Variants in METTL9 observed in about 807,000 individuals in gnomAD.
METTL9 encodes the protein protein-L-histidine N-pros-methyltransferase.
Under a neutral mutation model 36.0 loss-of-function variants are expected in METTL9, and 10 were observed. The ratio of observed to expected loss-of-function variants is 0.28; its 90% CI spans 0.17 to 0.47. The LOEUF (loss-of-function observed/expected upper bound fraction) is 0.47. METTL9 is among the 20% of genes least tolerant of loss of function. The pLI, the probability that METTL9 is intolerant of heterozygous loss-of-function variation, is 0.99. For synonymous variants in METTL9, 175 were observed against 149.7 expected (o/e 1.17, Z -1.23); for missense variants, 246 against 383.5 (o/e 0.64, Z 3.00).
chr16:21,629,722 T>C (rs143998368), intron 4 of METTL9, among the ~76,000 whole-genome samples: 3,651 of 152,274 alleles, frequency 0.024, 63 homozygotes, highest in Non-Finnish European at 0.036. Context: ...TTCCTCAGCA[T>C]GGATGGGGAC....
intron 4 of METTL9, chr16:21,643,641 T>G: frequency 7.5e-7 from 1 of 1,335,784 alleles, no homozygotes; most frequent in African/African-American, 1.5e-5. Context: ...TTTTATGTAC[T>G]CATAACAATG....
At chr16:21,617,798 TGTGTGTGTATG>T in intron 2 of METTL9, 56 bp from the exon 3 acceptor site, 1 of 1,312,202 alleles carries the variant, frequency 7.6e-7, no homozygotes, top group Non-Finnish European at 1.1e-6. Context: ...ATATTCACTT[TGTGTGTGTATG>T]TGAGGGGTGC....
At chr16:21,624,783 C>G (rs1287812192) in intron 3 of METTL9, 148 bp from the exon 4 acceptor site, 1 of 723,998 alleles carries the variant, frequency 1.4e-6, no homozygotes, top group Non-Finnish European at 2.2e-6. Context: ...CTTCCTTGGC[C>G]ATGTCATTAT....
At chr16:21,638,205 C>T (rs948515806) in intron 4 of METTL9, among the ~76,000 whole-genome samples, 6 of 152,166 alleles carry the variant, frequency 3.9e-5, no homozygotes, top group Non-Finnish European at 7.3e-5. Flanking sequence ...ATAATCCCAG[C>T]TACTCAGGAG....
chr16:21,599,894 A>G lies in METTL9; in HGVS notation c.161A>G (p.His54Arg). 6.9e-7 allele frequency: 1 copy of G among 1,449,090 alleles called. No homozygotes were observed. The highest frequency in any genetic ancestry group is 9.1e-7 in the Non-Finnish European group (1 of 1,102,290). The allele number at this position is 1,449,090 out of a possible 1,614,324, so 89.8% of individuals were successfully genotyped here. A position where few individuals can be genotyped will look rare whatever the true frequency, so the allele number is the denominator to read the frequency against. ...GCCGCGGGCGGCAGGAAGGAGAACC[A>G]CCAGGTACGGGCTGGGGCCGGGGCC... ...AAAAGGRKEN[H>R]QWYVCNREKL... is the part of the protein sequence containing the mutation. The change falls in exon 1 of 5, where the codon CAC (histidine) becomes CGC (arginine). Residue 54 changes from histidine (H) to arginine (R), a missense_variant. Physicochemically the swap from His to Arg is conservative, Grantham distance 29. This residue lies in a region of METTL9 where 100 missense variants were observed against 81.4 expected (regional missense o/e 1.23). Transcript: ENST00000358154. The surrounding 1 kb of genome is among the most constrained non-coding windows in gnomAD (Gnocchi z 4.4).
At chr16:21,631,374 ATTATTCTTTGCTATTAATAAGAC>A (rs1965956706) in intron 4 of METTL9, among the ~76,000 whole-genome samples, 1 of 152,188 alleles carries the variant, frequency 6.6e-6, no homozygotes, top group South Asian at 2.1e-4. Context: ...TGGGATTTCA[ATTATTCTTTGCTATTAATAAGAC>A]CTCGTTTAGT....
chr16:21,629,445 T>C (rs913839552), intron 4 of METTL9, among the ~76,000 whole-genome samples: 1 of 152,122 alleles, frequency 6.6e-6, no homozygotes, highest in Non-Finnish European at 1.5e-5. Context: ...CCAGAACTCA[T>C]AAATTTCTAT....
chr16:21,639,862 T>G (rs1450862749), intron 4 of METTL9: 1 of 152,186 alleles, frequency 6.6e-6, no homozygotes, highest in Non-Finnish European at 1.5e-5. Context: ...TTAAAATATT[T>G]AACAATTCTA....
At chr16:21,641,363 G>T in intron 4 of METTL9, 4 of 416,964 alleles carry the variant, frequency 9.6e-6, no homozygotes, top group Non-Finnish European at 1.3e-5. Context: ...TTAGTATTTT[G>T]GTAATGACTA....
intron 4 of METTL9, chr16:21,654,609 C>T (rs1411027027): frequency 6.5e-6 from 1 of 152,964 alleles, no homozygotes; most frequent in East Asian, 1.9e-4. Context: ...TTCCATCTCT[C>T]TCTGGTCCTG....
intron 1 of METTL9, among the ~76,000 whole-genome samples, chr16:21,603,391 G>A (rs183133530): frequency 2.0e-5 from 3 of 152,218 alleles, no homozygotes; most frequent in African/African-American, 4.8e-5. Context: ...TTCCCACATC[G>A]GCTTCCCAAA....
intron 4 of METTL9, among the ~76,000 whole-genome samples, chr16:21,651,517 G>A (rs1966576017): frequency 6.6e-6 from 1 of 151,852 alleles, no homozygotes; most frequent in African/African-American, 2.4e-5. Context: ...GTTCATGCTG[G>A]TCTTGAACTC....
intron 4 of METTL9, among the ~76,000 whole-genome samples, chr16:21,638,138 T>C (rs1164169992): frequency 1.3e-5 from 2 of 151,890 alleles, no homozygotes; most frequent in African/African-American, 4.8e-5. Flanking sequence ...GCCAACAGAG[T>C]GAAACCCCAT....
chr16:21,650,549 A>G (rs1488638160), intron 4 of METTL9, among the ~76,000 whole-genome samples: 1 of 149,568 alleles, frequency 6.7e-6, no homozygotes, highest in Non-Finnish European at 1.5e-5. Flanking sequence ...GGTGGCGGGG[A>G]TAGCTGACTT....
At chr16:21,632,374 C>G (rs140458644) in intron 4 of METTL9, among the ~76,000 whole-genome samples, 1 of 152,334 alleles carries the variant, frequency 6.6e-6, no homozygotes, top group East Asian at 1.9e-4. Flanking sequence ...CTTTCAAGTA[C>G]GGTTACATCA....
intron 4 of METTL9, chr16:21,653,926 C>T (rs1966641356): frequency 6.6e-6 from 1 of 151,924 alleles, no homozygotes; most frequent in Admixed American, 6.6e-5. Flanking sequence ...GCGTCATCTG[C>T]ACCACTGAAA....
upstream of METTL9, chr16:21,597,216 T>C (rs77927558): frequency 1.8e-4 from 226 of 1,264,870 alleles, 1 homozygote; most frequent in African/African-American, 3.1e-3. Flanking sequence ...TCATTTGTAA[T>C]TCAGGAGGCT....
rs567810989 is a variant in METTL9, at chr16:21,635,474, TGTGTATTCTC to T, written c.751+10370_751+10379del. 8.8e-3 allele frequency among the ~76,000 whole-genome samples: 1,338 copies of T among 152,216 alleles called. 41 individuals are homozygous for T. The highest frequency in any genetic ancestry group is 0.082 in the East Asian group (423 of 5,178). ...ATGTAAATTGCAAGCTCTGTATAGTTGTGTATTCTCGTGTATTCTCCTTCAATGAAAAGAA... is the reference window on the plus strand; with the variant it reads ...ATGTAAATTGCAAGCTCTGTATAGTTGTGTATTCTCCTTCAATGAAAAGAA... On this transcript the variant is annotated intron_variant, in intron 4 of 4. Transcript: ENST00000358154.
chr16:21,617,052 C>G (rs1442595476), intron 2 of METTL9, among the ~76,000 whole-genome samples: 1 of 152,144 alleles, frequency 6.6e-6, no homozygotes, highest in East Asian at 1.9e-4. Context: ...ATTTGCAACT[C>G]CAAAGACAAA....
Sources: allele counts gnomAD v4.1 joint callset (sites outside exome capture counted in the v4.1 genomes callset), GRCh38; gene constraint gnomAD v4.1.1; regional missense constraint gnomAD v4.1.1; non-coding constraint Gnocchi (gnomAD v3.1); transcripts MANE v1.5; gene names NCBI Gene and HGNC (gene_info 2026-07-23, HGNC 2026-07-21).